MAGI2: variants seen among roughly 807,000 people sequenced by gnomAD.
MAGI2 encodes the protein membrane associated guanylate kinase, WW and PDZ domain containing 2.
A neutral mutation model predicts 133.3 loss-of-function variants in MAGI2; 35 were observed. The ratio of observed to expected loss-of-function variants is 0.26; its 90% confidence interval spans 0.20 to 0.35. The LOEUF is 0.35. Ranked by LOEUF, MAGI2 falls within the 10% of genes least tolerant of loss-of-function variation. MAGI2 has a pLI of 1.00. For synonymous variants in MAGI2, 729 were observed against 710.6 expected, an observed-to-expected ratio of 1.03 and a Z score of -0.41; for missense variants, 1,636 against 1,863.4, an observed-to-expected ratio of 0.88 and a Z score of 2.25.
intron 3 of MAGI2, among the ~76,000 whole-genome samples, chr7:78,560,948 T>C (rs1427962984): frequency 6.6e-6 from 1 of 152,190 alleles, no homozygotes; most frequent in Admixed American, 6.5e-5. Flanking sequence ...TCTCAGGCAT[T>C]ATACACTCAG....
At chr7:78,170,215 T>C (rs1825986902) in intron 14 of MAGI2, 2 of 152,316 alleles carry the variant, frequency 1.3e-5, no homozygotes, top group South Asian at 4.1e-4. Context: ...AAATAGTGGT[T>C]ACAACTGAGA....
intron 2 of MAGI2, among the ~76,000 whole-genome samples, chr7:78,717,393 A>G (rs1017556255): frequency 2.0e-5 from 3 of 152,190 alleles, no homozygotes; most frequent in Non-Finnish European, 4.4e-5. Flanking sequence ...CCATATATCA[A>G]TGAACTGTGT....
chr7:78,374,845 G>C (rs1794284398), intron 6 of MAGI2, among the ~76,000 whole-genome samples: 1 of 149,012 alleles, frequency 6.7e-6, no homozygotes, highest in Non-Finnish European at 1.5e-5. Context: ...ACATTGTGTT[G>C]ATTTTTTTTT....
intron 2 of MAGI2, among the ~76,000 whole-genome samples, chr7:78,989,713 C>T: frequency 6.6e-6 from 1 of 151,940 alleles, no homozygotes; most frequent in East Asian, 1.9e-4. Context: ...TAAATATATA[C>T]ATAGGGTGAA....
At chr7:78,761,877 T>C (rs1218773224) in intron 2 of MAGI2, among the ~76,000 whole-genome samples, 2 of 151,996 alleles carry the variant, frequency 1.3e-5, no homozygotes, top group African/African-American at 4.8e-5. Flanking sequence ...CAGGCAAAGA[T>C]AAGACATCTC....
intron 1 of MAGI2, among the ~76,000 whole-genome samples, chr7:79,272,531 T>C (rs563953195): frequency 7.9e-5 from 12 of 152,238 alleles, no homozygotes; most frequent in African/African-American, 2.4e-4. Flanking sequence ...TTCACCGAAC[T>C]TGTATCCATT....
At chr7:79,333,356 G>C (rs10085854) in intron 1 of MAGI2, among the ~76,000 whole-genome samples, 7,223 of 152,116 alleles carry the variant, frequency 0.047, 277 homozygotes, top group African/African-American at 0.11. Flanking sequence ...TCAAACTCCT[G>C]ACCTCTTGAT....
chr7:78,029,563 C>G (rs1285544848), intron 21 of MAGI2, among the ~76,000 whole-genome samples: 11 of 152,252 alleles, frequency 7.2e-5, no homozygotes, highest in Non-Finnish European at 1.6e-4. Context: ...GGACCCAAAG[C>G]CTGCTGCCAC....
intron 1 of MAGI2, among the ~76,000 whole-genome samples, chr7:79,102,015 A>G (rs1359613765): frequency 6.6e-6 from 1 of 152,126 alleles, no homozygotes; most frequent in Admixed American, 6.6e-5. Flanking sequence ...TGTTCATACA[A>G]AAATCTATCT....
intron 1 of MAGI2, among the ~76,000 whole-genome samples, chr7:79,313,250 T>G (rs531456446): frequency 6.6e-6 from 1 of 152,232 alleles, no homozygotes; most frequent in African/African-American, 2.4e-5. Flanking sequence ...CAGGCAAACT[T>G]TATTTTCTGA....
intron 2 of MAGI2, among the ~76,000 whole-genome samples, chr7:79,000,929 G>GT (rs1806793968): frequency 6.6e-6 from 1 of 152,032 alleles, no homozygotes; most frequent in Admixed American, 6.6e-5. Flanking sequence ...CTTATTCACT[G>GT]TTTTTTGAGA....
chr7:79,081,927 C>T (rs1008993883), intron 1 of MAGI2, among the ~76,000 whole-genome samples: 8 of 152,174 alleles, frequency 5.3e-5, no homozygotes, highest in East Asian at 1.9e-4. Context: ...TTATGAATAA[C>T]GTTGCTATGA....
At chr7:79,075,541 G>A (rs1050350231) in intron 1 of MAGI2, among the ~76,000 whole-genome samples, 3 of 152,028 alleles carry the variant, frequency 2.0e-5, no homozygotes, top group Non-Finnish European at 4.4e-5. Context: ...TGGGCAGATC[G>A]TTTGAGCCCA....
intron 1 of MAGI2, among the ~76,000 whole-genome samples, chr7:79,136,076 A>AGAAAGAAAGAAAGAAAGAAAGAAAGAAG (rs1562929240): frequency 6.3e-4 from 57 of 90,826 alleles, no homozygotes; most frequent in African/African-American, 2.5e-3. Context: ...AAGGAAAGAA[A>AGAAAGAAAGAAAGAAAGAAAGAAAGAAG]GAAAGAAAGA....
intron 5 of MAGI2, among the ~76,000 whole-genome samples, chr7:78,497,722 T>TTCTATCTA (rs71517019): frequency 0.068 from 6,574 of 97,192 alleles, 184 homozygotes; most frequent in East Asian, 0.092. Context: ...GAAATAACTA[T>TTCTATCTA]TCTATCTATC....
rs73706428 is a variant in MAGI2, at chr7:79,402,706, A to T, written c.301+50314T>A. 5.4e-3 allele frequency among the ~76,000 whole-genome samples: 824 copies of T among 152,298 alleles called. 11 individuals are homozygous for T. Among genetic ancestry groups the T allele is most frequent in the African/African-American group, 0.019 (774 of 41,554 alleles). ...GCTGGGCGCAGTGGCTCACACCTGT[A>T]AACCTAGAACTTTGGGAGGCTGAGG... is the stretch of plus-strand genomic sequence containing the variant. On this transcript the variant is annotated intron_variant, in intron 1 of 21. Transcript: ENST00000354212.
chr7:78,609,572 G>A (rs1806215760), intron 3 of MAGI2, among the ~76,000 whole-genome samples: 1 of 152,180 alleles, frequency 6.6e-6, no homozygotes. Flanking sequence ...AAATACTCAT[G>A]ACGGTTACAG....
At chr7:78,892,459 A>C (rs1429946951) in intron 2 of MAGI2, among the ~76,000 whole-genome samples, 2 of 152,158 alleles carry the variant, frequency 1.3e-5, no homozygotes, top group African/African-American at 4.8e-5. Flanking sequence ...CGGAGGCATC[A>C]TGCTACCTGA....
At chr7:79,240,811 C>T (rs1286392177) in intron 1 of MAGI2, among the ~76,000 whole-genome samples, 1 of 152,040 alleles carries the variant, frequency 6.6e-6, no homozygotes, top group East Asian at 1.9e-4. Context: ...AATCTTTCTT[C>T]ATGTCTGTTG....
Sources: allele counts gnomAD v4.1 joint callset (sites outside exome capture counted in the v4.1 genomes callset), GRCh38; gene constraint gnomAD v4.1.1; transcripts MANE v1.5; gene names NCBI Gene and HGNC (gene_info 2026-07-23, HGNC 2026-07-21).